ATP8A1: variants seen among roughly 807,000 people sequenced by gnomAD.
ATP8A1 encodes the protein ATPase phospholipid transporting 8A1.
In ATP8A1, 90 loss-of-function variants were observed where a neutral mutation model predicts 177.7. The ratio of observed to expected loss-of-function variants is 0.51; its 90% CI spans 0.43 to 0.60. The LOEUF (loss-of-function observed/expected upper bound fraction) is 0.60. ATP8A1 is among the 20% of genes least tolerant of loss of function. The probability of loss-of-function intolerance (pLI) is 0.00; values close to 1 mark genes in which losing one functional copy is unlikely to be tolerated. For missense variants in ATP8A1, 1,072 were observed against 1,392.8 expected (o/e 0.77, Z 3.67); for synonymous variants, 493 against 485.9 (o/e 1.01, Z -0.19).
intron 15 of ATP8A1, among the ~76,000 whole-genome samples, chr4:42,565,195 A>T (rs1731235374): frequency 6.6e-6 from 1 of 152,188 alleles, no homozygotes; most frequent in Admixed American, 6.5e-5. Flanking sequence ...CTAATACACT[A>T]TGTGACTCAA....
chr4:42,523,809 T>TA (rs2153199065), intron 21 of ATP8A1, among the ~76,000 whole-genome samples: 1 of 152,322 alleles, frequency 6.6e-6, no homozygotes, highest in South Asian at 2.1e-4. Context: ...CCTATGAATA[T>TA]ATATGTTTCC....
chr4:42,492,781 C>T (rs892046270), intron 24 of ATP8A1, among the ~76,000 whole-genome samples: 5 of 152,200 alleles, frequency 3.3e-5, no homozygotes, highest in African/African-American at 9.7e-5. Context: ...AGCATATGAT[C>T]GGAACTAACA....
At chr4:42,633,234 C>T (rs1174847044) in intron 1 of ATP8A1, among the ~76,000 whole-genome samples, 1 of 152,218 alleles carries the variant, frequency 6.6e-6, no homozygotes, top group Admixed American at 6.5e-5. Context: ...GACACAGAGT[C>T]TTCCTTTCTT....
rs55913837 is a variant in ATP8A1 at position 42,413,970 on chromosome 4, G to A, written c.3397+657C>T. Among the ~76,000 whole-genome samples, 542 of 152,340 alleles carry A rather than the reference G, an allele frequency of 3.6e-3. 2 individuals are homozygous for A. The highest frequency in any genetic ancestry group is 0.013 in the African/African-American group (521 of 41,580). The stretch of plus-strand genomic sequence containing the variant: ...TCACAAATAAACTCACTCACGCCCC[G>A]ACATGGCATGGGCATAAGGAATGGC... On this transcript the variant is annotated intron_variant, in intron 36 of 36. Coordinates refer to ENST00000381668, the MANE Select transcript of ATP8A1 (RefSeq NM_006095.2).
At chr4:42,465,143 G>A (rs1349133921) in intron 25 of ATP8A1, 67 bp from the exon 26 acceptor site, 1 of 1,408,326 alleles carries the variant, frequency 7.1e-7, no homozygotes, top group African/African-American at 1.4e-5. Flanking sequence ...CCATCGTGTT[G>A]AAGGATAAAA....
intron 4 of ATP8A1, among the ~76,000 whole-genome samples, chr4:42,616,356 C>A (rs183937493): frequency 1.6e-4 from 24 of 152,174 alleles, no homozygotes; most frequent in Non-Finnish European, 2.4e-4. Context: ...GATCTTACCT[C>A]GGCACATAGG....
At chr4:42,414,755 A>C in intron 35 of ATP8A1, 37 bp from the exon 36 acceptor site, 1 of 1,532,626 alleles carries the variant, frequency 6.5e-7, no homozygotes, top group Non-Finnish European at 9.0e-7. Flanking sequence ...ATGAATTATC[A>C]ACTCGGCAGA....
rs112216729 is a variant in ATP8A1 at position 42,513,896 on chromosome 4, G to A, written c.1948-6742C>T. Among the ~76,000 whole-genome samples the A allele has an allele frequency of 7.5e-3, 1,137 of 152,216 alleles. 8 individuals are homozygous for A. Among genetic ancestry groups the A allele is most frequent in the African/African-American group, 0.026 (1,066 of 41,532 alleles). The stretch of plus-strand genomic sequence containing the variant: ...ACCATTCTCTTGAGGTTTAAAATAC[G>A]TTAACTCTGGAATTGGGATGTGCTG... On this transcript the variant is annotated intron_variant, in intron 22 of 36. Coordinates refer to ENST00000381668, the MANE Select transcript of ATP8A1 (RefSeq NM_006095.2).
intron 15 of ATP8A1, among the ~76,000 whole-genome samples, chr4:42,556,763 G>A (rs1730281484): frequency 6.6e-6 from 1 of 151,916 alleles, no homozygotes; most frequent in African/African-American, 2.4e-5. Flanking sequence ...GGAAAAACAA[G>A]GAACACAAGT....
intron 12 of ATP8A1, among the ~76,000 whole-genome samples, chr4:42,576,039 C>T (rs145643436): frequency 1.2e-4 from 19 of 152,056 alleles, no homozygotes; most frequent in South Asian, 8.3e-4. Context: ...CTACTGTGTC[C>T]GACACAAGGC....
At chr4:42,417,695 T>C (rs73235560) in intron 35 of ATP8A1, among the ~76,000 whole-genome samples, 29,510 of 152,238 alleles carry the variant, frequency 0.19, 3,175 homozygotes, top group South Asian at 0.3. Flanking sequence ...AGGAATAAAT[T>C]TGCATTTGTC....
At chr4:42,528,684 C>T (rs566976648) in intron 20 of ATP8A1, among the ~76,000 whole-genome samples, 2 of 152,260 alleles carry the variant, frequency 1.3e-5, no homozygotes, top group South Asian at 2.1e-4. Flanking sequence ...ACCCCAGGGG[C>T]ATATCAACTC....
Position 42,409,175 on chromosome 4 carries a change from C to A in ATP8A1, c.*3741G>T, listed in dbSNP as rs984350405. 2.0e-5 allele frequency: 3 copies of A among 152,138 alleles called. No individual in the cohort carries two copies. The highest frequency in any genetic ancestry group is 2.9e-5 in the Non-Finnish European group (2 of 67,998). The allele number at this position is 152,138 out of a possible 1,614,324, so 9.4% of individuals were successfully genotyped here. A position where few individuals can be genotyped will look rare whatever the true frequency, so the allele number is the denominator to read the frequency against. On this transcript the variant is annotated 3_prime_UTR_variant, in exon 37 of 37. Transcript: ENST00000381668. ...ATCAAGATTTACAGCAATAGCCATG[C>A]ATTGGCCTGGATCACTTTAAATATG...
intron 30 of ATP8A1, among the ~76,000 whole-genome samples, chr4:42,451,501 T>C (rs962747330): frequency 1.3e-5 from 2 of 152,128 alleles, no homozygotes; most frequent in African/African-American, 4.8e-5. Context: ...TAAAATCACT[T>C]CCCTCAAAAT....
chr4:42,533,871 C>T (rs372012947), intron 20 of ATP8A1, among the ~76,000 whole-genome samples: 13 of 152,270 alleles, frequency 8.5e-5, no homozygotes, highest in South Asian at 4.1e-4. Context: ...CTCCCCAGGA[C>T]CAGCCCAGAG....
chr4:42,438,230 G>A (rs1716221076), intron 33 of ATP8A1, among the ~76,000 whole-genome samples: 1 of 152,148 alleles, frequency 6.6e-6, no homozygotes, highest in Admixed American at 6.5e-5. Flanking sequence ...TTGACCTTCA[G>A]AAAGTGTGTC....
chr4:42,451,577 T>C (rs1239062987), intron 30 of ATP8A1, among the ~76,000 whole-genome samples: 2 of 152,272 alleles, frequency 1.3e-5, no homozygotes, highest in Non-Finnish European at 2.9e-5. Flanking sequence ...ATCCAAAACA[T>C]TGGCTCAAGT....
At chr4:42,539,372 T>C (rs1355153018) in intron 20 of ATP8A1, among the ~76,000 whole-genome samples, 1 of 147,324 alleles carries the variant, frequency 6.8e-6, no homozygotes, top group South Asian at 2.2e-4. Context: ...AATTTATTCA[T>C]GTACTAAAAA....
At chr4:42,636,165 CACACACAT>C (rs1407048221) in intron 1 of ATP8A1, among the ~76,000 whole-genome samples, 28 of 86,658 alleles carry the variant, frequency 3.2e-4, no homozygotes, top group African/African-American at 9.8e-4. Context: ...CACGCACACA[CACACACAT>C]AAGCTTCTTA....
Sources: gnomAD v4.1 joint callset for allele counts (sites outside exome capture counted in the v4.1 genomes callset) on GRCh38, gnomAD v4.1.1 for gene constraint, MANE v1.5 for transcripts, NCBI Gene and HGNC (gene_info 2026-07-23, HGNC 2026-07-21) for gene names.